The following SCAI variants were observed in gnomAD, a reference collection of about 807,000 sequenced individuals.
The protein encoded by SCAI is protein SCAI.
In SCAI, 24 loss-of-function variants were observed where a neutral mutation model predicts 92.2. The ratio of observed to expected loss-of-function variants is 0.26; its 90% CI spans 0.19 to 0.37. The LOEUF is 0.37. Ranked by LOEUF, SCAI falls within the 10% of genes least tolerant of loss-of-function variation. The probability of loss-of-function intolerance (pLI) is 1.00; values close to 1 mark genes in which losing one functional copy is unlikely to be tolerated. For missense variants in SCAI, 450 were observed against 736.2 expected (o/e 0.61, Z 4.50); for synonymous variants, 261 against 258.6 (o/e 1.01, Z -0.09).
chr9:124,977,651 G>A (rs904308499), intron 14 of SCAI, among the ~76,000 whole-genome samples: 1 of 152,248 alleles, frequency 6.6e-6, no homozygotes, highest in Non-Finnish European at 1.5e-5. Flanking sequence ...TCCACCCTGC[G>A]CAACAGAGCG....
intron 3 of SCAI, among the ~76,000 whole-genome samples, chr9:125,045,602 C>A (rs1301924469): frequency 2.0e-5 from 3 of 152,186 alleles, no homozygotes; most frequent in African/African-American, 7.2e-5. Flanking sequence ...TCCCAAAGTG[C>A]TGGAATTACA....
At chr9:125,134,615 T>G (rs1050266257) in intron 2 of SCAI, among the ~76,000 whole-genome samples, 1 of 152,214 alleles carries the variant, frequency 6.6e-6, no homozygotes. Flanking sequence ...CCAAACATCA[T>G]TAACAGACAT....
At chr9:125,096,581 C>G (rs1834557415) in intron 2 of SCAI, among the ~76,000 whole-genome samples, 2 of 151,144 alleles carry the variant, frequency 1.3e-5, no homozygotes, top group Non-Finnish European at 3.0e-5. Context: ...CTTGGTATCA[C>G]ATCCTTGATA....
At chr9:125,006,239 G>A (rs569857924) in intron 9 of SCAI, among the ~76,000 whole-genome samples, 2 of 152,244 alleles carry the variant, frequency 1.3e-5, no homozygotes, top group South Asian at 4.1e-4. Context: ...CAAAAGTCTA[G>A]GTGTGGCAGC....
At chr9:124,975,440 G>A in intron 15 of SCAI, 1 of 427,388 alleles carries the variant, frequency 2.3e-6, no homozygotes, top group Non-Finnish European at 4.7e-6. Flanking sequence ...TGCTAAAACA[G>A]TGTTAAGGTT....
intron 3 of SCAI, among the ~76,000 whole-genome samples, chr9:125,032,959 T>C (rs1833111340): frequency 6.6e-6 from 1 of 152,188 alleles, no homozygotes; most frequent in Non-Finnish European, 1.5e-5. Context: ...ATGAAGGCCA[T>C]ATAAAGTAAT....
chr9:125,088,219 C>T (rs1367959759), intron 2 of SCAI, among the ~76,000 whole-genome samples: 2 of 152,058 alleles, frequency 1.3e-5, no homozygotes, highest in Non-Finnish European at 2.9e-5. Flanking sequence ...CCTCACCACC[C>T]CATGTAGCTG....
chr9:125,009,423 T>A (rs181866234), intron 9 of SCAI, among the ~76,000 whole-genome samples: 1 of 152,160 alleles, frequency 6.6e-6, no homozygotes, highest in African/African-American at 2.4e-5. Context: ...GCACATGCCA[T>A]CATGCCTGAC....
chr9:124,993,832 C>T (rs1832183671), intron 14 of SCAI, among the ~76,000 whole-genome samples: 1 of 152,020 alleles, frequency 6.6e-6, no homozygotes, highest in Admixed American at 6.6e-5. Context: ...GAGTTTGCTT[C>T]TCCCTCTAAC....
chr9:125,084,035 G>A (rs902721324), intron 2 of SCAI, among the ~76,000 whole-genome samples: 2 of 151,968 alleles, frequency 1.3e-5, no homozygotes, highest in African/African-American at 4.8e-5. Context: ...AGATGCTGAG[G>A]CAGGTATGTA....
At chr9:125,041,990 C>T (rs1346547052) in intron 3 of SCAI, among the ~76,000 whole-genome samples, 1 of 152,052 alleles carries the variant, frequency 6.6e-6, no homozygotes, top group East Asian at 1.9e-4. Flanking sequence ...TCAAAAAAAA[C>T]TCCTCTACTA....
At chr9:125,130,153 C>A (rs1385374613) in intron 2 of SCAI, among the ~76,000 whole-genome samples, 1 of 152,144 alleles carries the variant, frequency 6.6e-6, no homozygotes, top group Non-Finnish European at 1.5e-5. Flanking sequence ...CCCGCCTCGG[C>A]CTTCCAAAGT....
intron 17 of SCAI, among the ~76,000 whole-genome samples, chr9:124,967,220 C>T (rs1831559510): frequency 1.3e-5 from 2 of 152,122 alleles, no homozygotes; most frequent in South Asian, 4.1e-4. Flanking sequence ...AGGGCAACAC[C>T]AATAACAATG....
intron 5 of SCAI, among the ~76,000 whole-genome samples, chr9:125,027,902 A>T (rs1832994269): frequency 6.6e-6 from 1 of 152,198 alleles, no homozygotes; most frequent in South Asian, 2.1e-4. Context: ...TTAGATTCCT[A>T]AAAGGACCCT....
chr9:125,108,226 G>A (rs957442579), intron 2 of SCAI, among the ~76,000 whole-genome samples: 317 of 141,014 alleles, frequency 2.2e-3, no homozygotes, highest in South Asian at 4.6e-3. Context: ...CCAAAGTGCC[G>A]AGATTGCAGC....
chr9:125,074,918 C>T (rs1175278675), intron 2 of SCAI, among the ~76,000 whole-genome samples: 1 of 151,930 alleles, frequency 6.6e-6, no homozygotes, highest in Non-Finnish European at 1.5e-5. Context: ...GCAGGAGAAT[C>T]GCTTGAATCC....
At chr9:125,073,092 A>ATTTTTTTTTTTTTTTTT (rs764858681) in intron 2 of SCAI, among the ~76,000 whole-genome samples, 11 of 72,478 alleles carry the variant, frequency 1.5e-4, no homozygotes, top group African/African-American at 2.2e-4. Context: ...TCTATTTTTA[A>ATTTTTTTTTTTTTTTTT]TTTTTTTTTT....
intron 2 of SCAI, among the ~76,000 whole-genome samples, chr9:125,086,237 T>C (rs1834323960): frequency 6.6e-6 from 1 of 152,178 alleles, no homozygotes; most frequent in South Asian, 2.1e-4. Context: ...AAGCACCTTA[T>C]GTAAGTGCCT....
At chr9:125,120,463 T>G (rs971913666) in intron 2 of SCAI, among the ~76,000 whole-genome samples, 1 of 152,050 alleles carries the variant, frequency 6.6e-6, no homozygotes, top group Non-Finnish European at 1.5e-5. Context: ...GAGGCCAAGG[T>G]GGGTGAATCA....
Sources: allele counts gnomAD v4.1 joint callset (sites outside exome capture counted in the v4.1 genomes callset), GRCh38; gene constraint gnomAD v4.1.1; transcripts MANE v1.5; gene names NCBI Gene and HGNC (gene_info 2026-07-23, HGNC 2026-07-21).